The following GRSF1 variants were observed in gnomAD, a reference collection of about 807,000 sequenced individuals.
GRSF1 encodes G-rich RNA sequence binding factor 1.
A neutral mutation model predicts 51.1 loss-of-function variants in GRSF1; 50 were observed. The ratio of observed to expected loss-of-function variants is 0.98; its 90% CI spans 0.78 to 1.24. The LOEUF is 1.24. Among genes scored for constraint, GRSF1 ranks in the 50% most tolerant of loss-of-function variants. The probability of loss-of-function intolerance (pLI) is 0.00; values close to 1 mark genes in which losing one functional copy is unlikely to be tolerated. For synonymous variants in GRSF1, 293 were observed against 253.3 expected (o/e 1.16, Z -1.49); for missense variants, 700 against 639.7 (o/e 1.09, Z -1.02).
chr4:70,827,487 T>G (rs887671026), intron 6 of GRSF1, among the ~76,000 whole-genome samples: 1 of 151,982 alleles, frequency 6.6e-6, no homozygotes, highest in African/African-American at 2.4e-5. Context: ...GTATGTAAAG[T>G]CCTATTAAAT....
rs373345616 is a variant in GRSF1, at chr4:70,826,972, A to G, written c.1136-727T>C. Reference sequence around the variant, plus strand: ...CCCTGGGTTAGGAATCAAAGAAATAATTAAATCCAGAAGCAAACAAAAATC... The same window carrying G: ...CCCTGGGTTAGGAATCAAAGAAATAGTTAAATCCAGAAGCAAACAAAAATC... On this transcript the variant is annotated intron_variant, in intron 6 of 9. Coordinates refer to ENST00000254799, the MANE Select transcript of GRSF1 (RefSeq NM_002092.4). Among the ~76,000 whole-genome samples, 12 of 152,222 alleles carry G rather than the reference A, an allele frequency of 7.9e-5. No individual in the cohort carries two copies. The East Asian group carries it at 1.2e-3, about 15-fold the overall frequency.
At chr4:70,833,054 C>T in intron 3 of GRSF1, 64 bp downstream of exon 3, 1 of 1,400,488 alleles carries the variant, frequency 7.1e-7, no homozygotes, top group Non-Finnish European at 9.8e-7. Flanking sequence ...CAAATAAAAA[C>T]TACCTTGAAA....
In GRSF1 at chr4:70,826,254, T is replaced by C. The variant is rs566347449; in HGVS notation, c.1136-9A>G. 5.6e-6 allele frequency: 9 copies of C among 1,595,884 alleles called. No homozygotes were observed. Among genetic ancestry groups the C allele is most frequent in the South Asian group, 3.4e-5 (3 of 88,224 alleles). On this transcript the variant is annotated splice_polypyrimidine_tract_variant and intron_variant, in intron 6 of 9. Transcript: ENST00000254799. ...CACCTCCTTAGGCAATTCTGAGAGG[T>C]GGAACAGAAAGCACTGTTAAAACAT...
intron 5 of GRSF1, 94 bp from the exon 6 acceptor site, chr4:70,828,130 C>A (rs1733808048): frequency 1.1e-6 from 1 of 878,270 alleles, no homozygotes; most frequent in African/African-American, 1.7e-5. Context: ...ATATTTCCAA[C>A]AGCTTATGAA....
rs1733320838 is a variant in GRSF1 at position 70,816,642 on chromosome 4, T to G, written c.*4245A>C. ...GGGAATCTGAGGCATGAGAATTGCTTGAAACTGGGAGGTGGAGGCTGTAAT... is the reference window on the plus strand; with the variant it reads ...GGGAATCTGAGGCATGAGAATTGCTGGAAACTGGGAGGTGGAGGCTGTAAT... On this transcript the variant is annotated 3_prime_UTR_variant, in exon 10 of 10. Transcript: ENST00000254799. 1 of 152,210 alleles carries G rather than the reference T, an allele frequency of 6.6e-6. No homozygotes were observed. Among genetic ancestry groups the G allele is most frequent in the Non-Finnish European group, 1.5e-5 (1 of 68,068 alleles). The allele number at this position is 152,210 out of a possible 1,614,324, so 9.4% of individuals were successfully genotyped here. A position where few individuals can be genotyped will look rare whatever the true frequency, so the allele number is the denominator to read the frequency against.
At chr4:70,834,073 A>T (rs1734093439) in intron 2 of GRSF1, among the ~76,000 whole-genome samples, 1 of 152,300 alleles carries the variant, frequency 6.6e-6, no homozygotes, top group East Asian at 1.9e-4. Flanking sequence ...AACCTGGCCA[A>T]CACGGCAAAA....
Position 70,820,874 on chromosome 4 carries a change from CAA to C in GRSF1, c.*26-15_*26-14del, listed in dbSNP as rs979204194. ...TTCTTGCTTCACCCTAAAAATAAAACAAAAAATATTGTACATTTACTCAAGAT... is the reference window on the plus strand; with the variant it reads ...TTCTTGCTTCACCCTAAAAATAAAACAAAATATTGTACATTTACTCAAGAT... On this transcript the variant is annotated splice_polypyrimidine_tract_variant and intron_variant, in intron 9 of 9. Coordinates refer to ENST00000254799, the MANE Select transcript of GRSF1 (RefSeq NM_002092.4). 6.6e-6 allele frequency: 1 copy of C among 152,500 alleles called. No homozygotes were observed. The highest frequency in any genetic ancestry group is 2.4e-5 in the African/African-American group (1 of 41,416). The allele number at this position is 152,500 out of a possible 1,614,324, so 9.4% of individuals were successfully genotyped here.
At chr4:70,840,655 C>T (rs1291641848), upstream of GRSF1, among the ~76,000 whole-genome samples, 1 of 152,078 alleles carries the variant, frequency 6.6e-6, no homozygotes, top group Non-Finnish European at 1.5e-5. Flanking sequence ...CCCAGCTACT[C>T]AGGAGGCTGA....
chr4:70,832,582 G>C (rs185990655), intron 3 of GRSF1, 132 bp from the exon 4 acceptor site: 2 of 590,686 alleles, frequency 3.4e-6, no homozygotes. Flanking sequence ...CGCTTCTCTA[G>C]AGAAAATAAC....
intron 6 of GRSF1, among the ~76,000 whole-genome samples, 200 bp from the exon 7 acceptor site, chr4:70,826,445 T>C (rs1018902382): frequency 6.6e-6 from 1 of 151,804 alleles, no homozygotes; most frequent in East Asian, 1.9e-4. Context: ...CCATTACCAG[T>C]TTAAGAACTT....
intron 2 of GRSF1, among the ~76,000 whole-genome samples, chr4:70,835,043 G>A (rs890385239): frequency 6.6e-6 from 1 of 152,168 alleles, no homozygotes; most frequent in Non-Finnish European, 1.5e-5. Context: ...AAAACATACA[G>A]TATTAAGTTT....
chr4:70,839,598 G>A lies in GRSF1; in HGVS notation c.230C>T (p.Ala77Val). The change falls in exon 1 of 10, where the codon GCG becomes GTG. Residue 77 changes from alanine to valine, a missense_variant. Coordinates refer to ENST00000254799, the MANE Select transcript of GRSF1 (RefSeq NM_002092.4). Reference sequence around the variant, plus strand: ...AGAGGTGGCCACAGCGGGAGGCCCCGCCAGCCTCCCGGGAGGCACAGGCCC... The same window carrying A: ...AGAGGTGGCCACAGCGGGAGGCCCCACCAGCCTCCCGGGAGGCACAGGCCC... ...QTGPVPPGRL[A>V]GPPAVATSAA... 2.1e-6 allele frequency: 3 copies of A among 1,405,464 alleles called. No individual in the cohort carries two copies. The highest frequency in any genetic ancestry group is 3.1e-5 in the East Asian group (1 of 32,038). The allele number at this position is 1,405,464 out of a possible 1,614,324, so 87.1% of individuals were successfully genotyped here. A position where few individuals can be genotyped will look rare whatever the true frequency, so the allele number is the denominator to read the frequency against.
intron 9 of GRSF1, among the ~76,000 whole-genome samples, chr4:70,823,127 G>A (rs1733586969): frequency 6.6e-6 from 1 of 152,114 alleles, no homozygotes; most frequent in South Asian, 2.1e-4. Context: ...CGGACACAGT[G>A]GCTCACGCCT....
Position 70,832,323 on chromosome 4 carries a change from A to G in GRSF1, c.798T>C (p.Ile266=), listed in dbSNP as rs1231441670. 2.5e-6 allele frequency: 4 copies of G among 1,613,626 alleles called. No homozygotes were observed. The highest frequency in any genetic ancestry group is 2.2e-5 in the South Asian group (2 of 91,044). ...GLPYSCNEKD[I]VDFFAGLNIV... is the part of the protein sequence containing the mutation. Reference sequence around the variant, plus strand: ...GCAAAGTACCTGCAAAGAAGTCTACAATGTCTTTCTCATTGCAACTATAAG... The same window carrying G: ...GCAAAGTACCTGCAAAGAAGTCTACGATGTCTTTCTCATTGCAACTATAAG... Residue 266 remains isoleucine (I), a synonymous_variant, in exon 4 of 10, where the codon ATT becomes ATC. Coordinates refer to ENST00000254799, the MANE Select transcript of GRSF1 (RefSeq NM_002092.4).
chr4:70,831,476 G>T lies in GRSF1; in HGVS notation c.950+63C>A, dbSNP rs114396100. The T allele has an allele frequency of 2.0e-4, 289 of 1,410,164 alleles. 1 individual carries two copies. In the African/African-American group the frequency reaches 3.8e-3, roughly 19 times the overall value. 87.4% of individuals were successfully genotyped at this position (1,410,164 alleles called of 1,614,324 possible). ...TGGATAACTTTTCAGTCATATTACA[G>T]CACATTCATCAAAATGACTTAATGT... On this transcript the variant is annotated intron_variant, in intron 5 of 9. Transcript: ENST00000254799.
At chr4:70,839,261 CA>C (rs1205086340) in intron 1 of GRSF1, 3 of 1,485,028 alleles carry the variant, frequency 2.0e-6, no homozygotes, top group Non-Finnish European at 2.7e-6. Context: ...GAGGCGAGAA[CA>C]AAACAAGCAG....
chr4:70,841,140 A>G (rs901706268), upstream of GRSF1, among the ~76,000 whole-genome samples: 1 of 152,126 alleles, frequency 6.6e-6, no homozygotes, highest in African/African-American at 2.4e-5. Flanking sequence ...TACAAAAAAT[A>G]AATAAAGCTG....
chr4:70,842,964 C>G (rs1396339525), upstream of GRSF1, among the ~76,000 whole-genome samples: 1 of 152,082 alleles, frequency 6.6e-6, no homozygotes, highest in Non-Finnish European at 1.5e-5. Flanking sequence ...ACCCTAAAAC[C>G]GGAGCCCACA....
At position 70,818,669 on chromosome 4, in the gene GRSF1, T is replaced by C. The variant is rs1236530218; in HGVS notation, c.*2218A>G. On this transcript the variant is annotated 3_prime_UTR_variant, in exon 10 of 10. Coordinates refer to ENST00000254799, the MANE Select transcript of GRSF1 (RefSeq NM_002092.4). The stretch of plus-strand genomic sequence containing the variant: ...CAGCTCCCTGGTATTTACATACTGC[T>C]TCTCAGAGTTCTCCCTTGCACTCCG... 6.6e-6 allele frequency: 1 copy of C among 152,212 alleles called. No individual in the cohort carries two copies. Among genetic ancestry groups the C allele is most frequent in the African/African-American group, 2.4e-5 (1 of 41,456 alleles). 9.4% of individuals were successfully genotyped at this position (152,212 alleles called of 1,614,324 possible).
Sources: allele counts gnomAD v4.1 joint callset (sites outside exome capture counted in the v4.1 genomes callset), GRCh38; gene constraint gnomAD v4.1.1; transcripts MANE v1.5; gene names NCBI Gene and HGNC (gene_info 2026-07-23, HGNC 2026-07-21).